Variants in BAHD1 observed in about 807,000 individuals in gnomAD.
The protein encoded by BAHD1 is bromo adjacent homology domain-containing 1 protein.
Under a neutral mutation model 63.1 loss-of-function variants are expected in BAHD1, and 20 were observed. The ratio of observed to expected loss-of-function variants is 0.32; its 90% confidence interval spans 0.22 to 0.46. The LOEUF (loss-of-function observed/expected upper bound fraction) is 0.46. Ranked by LOEUF, BAHD1 falls within the 20% of genes least tolerant of loss-of-function variation. The pLI is 1.00. For missense variants in BAHD1, 939 were observed against 1,071.8 expected (o/e 0.88, Z 1.73); for synonymous variants, 408 against 426.8 (o/e 0.96, Z 0.54).
intron 2 of BAHD1, among the ~76,000 whole-genome samples, chr15:40,461,214 G>A (rs1294591937): frequency 6.6e-6 from 1 of 152,148 alleles, no homozygotes; most frequent in East Asian, 1.9e-4. Context: ...ATGAGTTAAT[G>A]TGTTCGTAAG....
intron 1 of BAHD1, among the ~76,000 whole-genome samples, chr15:40,449,868 G>A (rs1212913099): frequency 2.6e-5 from 4 of 151,560 alleles, no homozygotes; most frequent in Non-Finnish European, 5.9e-5. Flanking sequence ...GGAGGGTTGT[G>A]CCATGAAAAT....
intron 1 of BAHD1, among the ~76,000 whole-genome samples, chr15:40,441,717 C>T (rs1384395616): frequency 2.0e-5 from 3 of 148,664 alleles, no homozygotes; most frequent in Non-Finnish European, 4.5e-5. Flanking sequence ...GCGGCGAGGC[C>T]CCCGCCGCGC....
intron 4 of BAHD1, 100 bp downstream of exon 4, chr15:40,464,120 TC>T: frequency 7.4e-7 from 1 of 1,345,302 alleles, no homozygotes; most frequent in Non-Finnish European, 1.0e-6. Flanking sequence ...GGCGTGAGTC[TC>T]CCCGTGTTCC....
upstream of BAHD1, among the ~76,000 whole-genome samples, chr15:40,437,507 A>T (rs557576705): frequency 6.6e-6 from 1 of 152,114 alleles, no homozygotes; most frequent in Non-Finnish European, 1.5e-5. Context: ...GCCGCATTTA[A>T]TTGTTGCCTT....
At chr15:40,447,779 G>T (rs990716982) in intron 1 of BAHD1, among the ~76,000 whole-genome samples, 3 of 152,094 alleles carry the variant, frequency 2.0e-5, no homozygotes, top group Non-Finnish European at 4.4e-5. Context: ...TTGCAGTCTG[G>T]GCTGGAGGCA....
chr15:40,461,817 GCA>G, intron 2 of BAHD1, 93 bp from the exon 3 acceptor site: 2 of 1,465,906 alleles, frequency 1.4e-6, no homozygotes, highest in Admixed American at 2.3e-5. Context: ...GCCTTTGGTT[GCA>G]CAGTTAGAAT....
intron 5 of BAHD1, 52 bp from the exon 6 acceptor site, chr15:40,465,283 G>A (rs1894168587): frequency 6.5e-7 from 1 of 1,532,902 alleles, no homozygotes; most frequent in African/African-American, 1.4e-5. Context: ...CTTGCTCTGG[G>A]AATGAGGTGC....
rs201223091 is a variant in BAHD1, at chr15:40,459,130, C to A, written c.666C>A (p.Pro222=). 4 of 1,613,106 alleles carry A rather than the reference C, an allele frequency of 2.5e-6. No homozygotes were observed. Among genetic ancestry groups the A allele is most frequent in the Non-Finnish European group, 3.4e-6 (4 of 1,179,950 alleles). ...FLKLSQEREL[P]LRLPRAHAEV... is the part of the protein sequence containing the mutation. ...AACTGAGCCAGGAGCGGGAGCTACC[C>A]CTGCGGCTGCCTCGTGCCCATGCAG... The change falls in exon 2 of 7, where the codon CCC becomes CCA. Residue 222 remains proline, a synonymous_variant. Coordinates refer to ENST00000416165, the MANE Select transcript of BAHD1 (RefSeq NM_014952.5).
At chr15:40,438,139 C>T (rs569333102), upstream of BAHD1, among the ~76,000 whole-genome samples, 2 of 152,168 alleles carry the variant, frequency 1.3e-5, no homozygotes, top group Non-Finnish European at 2.9e-5. Context: ...GGGCCCCAGG[C>T]GTTGGCACAG....
intron 2 of BAHD1, among the ~76,000 whole-genome samples, chr15:40,460,672 C>A (rs573603846): frequency 6.6e-6 from 1 of 152,316 alleles, no homozygotes. Flanking sequence ...TCACCTGCCT[C>A]TTCAGGCTCC....
intron 1 of BAHD1, among the ~76,000 whole-genome samples, chr15:40,451,147 A>G (rs1340277314): frequency 1.5e-5 from 2 of 134,642 alleles, no homozygotes; most frequent in Non-Finnish European, 3.0e-5. Flanking sequence ...CTCCATCTCA[A>G]AAAAAAAAAA....
Position 40,440,965 on chromosome 15 carries a change from G to A in BAHD1, c.-318G>A, listed in dbSNP as rs887335159. Among the ~76,000 whole-genome samples, 14 of 151,760 alleles carry A rather than the reference G, an allele frequency of 9.2e-5. No individual in the cohort carries two copies. Among genetic ancestry groups the A allele is most frequent in the African/African-American group, 2.9e-4 (12 of 41,512 alleles). Reference sequence around the variant, plus strand: ...CTCCGCTCTCGGGGAGTTTGTGGGGGAACCGCGAGCGGCGTAGCGGATCCC... The same window carrying A: ...CTCCGCTCTCGGGGAGTTTGTGGGGAAACCGCGAGCGGCGTAGCGGATCCC... On this transcript the variant is annotated 5_prime_UTR_variant, in exon 1 of 7. Transcript: ENST00000416165.
chr15:40,467,985 T>A lies in BAHD1; in HGVS notation c.*1855T>A, dbSNP rs984104299. 3.9e-5 allele frequency: 6 copies of A among 152,630 alleles called. No homozygotes were observed. The highest frequency in any genetic ancestry group is 1.3e-4 in the Admixed American group (2 of 15,278). The allele number at this position is 152,630 out of a possible 1,614,324, so 9.5% of individuals were successfully genotyped here. ...TTAAATGCTTTTGAAATCTCTTAGA[T>A]GTGGAAATATTTTTTCGAACCTGAA... On this transcript the variant is annotated 3_prime_UTR_variant, in exon 7 of 7. Coordinates refer to ENST00000416165, the MANE Select transcript of BAHD1 (RefSeq NM_014952.5).
intron 1 of BAHD1, among the ~76,000 whole-genome samples, chr15:40,447,594 A>G (rs1305345978): frequency 7.0e-6 from 1 of 143,504 alleles, no homozygotes; most frequent in Non-Finnish European, 1.5e-5. Context: ...AAATAAATAA[A>G]TAAATAAATA....
At position 40,463,873 on chromosome 15, in the gene BAHD1, C is replaced by A; in HGVS notation, c.1828C>A (p.Pro610Thr). The change falls in exon 4 of 7, where the codon CCA (proline) becomes ACA (threonine). Residue 610 changes from proline (P) to threonine (T), a missense_variant. Transcript: ENST00000416165. ...KAVYVLDEPE[P>T]AIRKSYQAVE... ...GTTTGTTGCCTAGGATGAGCCGGAG[C>A]CAGCCATCCGAAAGAGCTACCAGGC... 6.2e-7 allele frequency: 1 copy of A among 1,614,182 alleles called. No individual in the cohort carries two copies. Among genetic ancestry groups the A allele is most frequent in the Non-Finnish European group, 8.5e-7 (1 of 1,180,006 alleles).
intron 1 of BAHD1, among the ~76,000 whole-genome samples, chr15:40,452,469 G>GT (rs1488807565): frequency 6.6e-6 from 1 of 152,228 alleles, no homozygotes; most frequent in Non-Finnish European, 1.5e-5. Context: ...TCACTGTAGA[G>GT]TTGAGTATTT....
intron 3 of BAHD1, among the ~76,000 whole-genome samples, chr15:40,463,585 T>TG (rs1476921311): frequency 6.6e-6 from 1 of 150,912 alleles, no homozygotes; most frequent in African/African-American, 2.4e-5. Context: ...TACCCAGCAC[T>TG]GGGGGTCTTG....
At chr15:40,448,191 G>A (rs1047283123) in intron 1 of BAHD1, among the ~76,000 whole-genome samples, 75 of 151,380 alleles carry the variant, frequency 5.0e-4, no homozygotes, top group African/African-American at 1.8e-3. Context: ...GCAGTGAGCC[G>A]AGATTGCGCC....
chr15:40,437,846 G>T (rs1438236829), upstream of BAHD1, among the ~76,000 whole-genome samples: 2 of 152,194 alleles, frequency 1.3e-5, no homozygotes, highest in African/African-American at 4.8e-5. Context: ...CGAGCAGCCA[G>T]TCTGTCCCGG....
Sources: gnomAD v4.1 joint callset for allele counts (sites outside exome capture counted in the v4.1 genomes callset) on GRCh38, gnomAD v4.1.1 for gene constraint, MANE v1.5 for transcripts, NCBI Gene and HGNC (gene_info 2026-07-23, HGNC 2026-07-21) for gene names.